FAM171A1: variants seen among roughly 807,000 people sequenced by gnomAD.
The protein encoded by FAM171A1 is protein FAM171A1.
Under a neutral mutation model 74.9 loss-of-function variants are expected in FAM171A1, and 23 were observed. The observed-to-expected ratio is 0.31, with a 90% confidence interval of 0.22 to 0.44. The LOEUF (loss-of-function observed/expected upper bound fraction) is 0.44, where lower values mean the gene tolerates loss of function less well. FAM171A1 is among the 20% of genes least tolerant of loss of function. The probability of loss-of-function intolerance (pLI) is 1.00; values close to 1 mark genes in which losing one functional copy is unlikely to be tolerated. For synonymous variants in FAM171A1, 527 were observed against 505.7 expected, an observed-to-expected ratio of 1.04 and a Z score of -0.57; for missense variants, 1,162 against 1,159.2, an observed-to-expected ratio of 1.00 and a Z score of -0.03.
chr10:15,232,867 A>G (rs765626363), intron 5 of FAM171A1, among the ~76,000 whole-genome samples: 1 of 152,248 alleles, frequency 6.6e-6, no homozygotes, highest in Non-Finnish European at 1.5e-5. Context: ...CTACTGAGCT[A>G]AAGTTCCTTT....
At chr10:15,242,704 T>C (rs1017740922) in intron 5 of FAM171A1, among the ~76,000 whole-genome samples, 1 of 152,114 alleles carries the variant, frequency 6.6e-6, no homozygotes, top group African/African-American at 2.4e-5. Flanking sequence ...GGTGGGAGGA[T>C]TGCTTGAGCT....
intron 5 of FAM171A1, among the ~76,000 whole-genome samples, chr10:15,225,664 A>G (rs1481734132): frequency 1.3e-5 from 2 of 152,116 alleles, no homozygotes; most frequent in African/African-American, 4.8e-5. Context: ...AGGCCTCTGC[A>G]AAGTCTCTTC....
intron 1 of FAM171A1, among the ~76,000 whole-genome samples, chr10:15,344,901 C>T (rs925154206): frequency 7.2e-5 from 11 of 152,156 alleles, no homozygotes; most frequent in South Asian, 2.1e-4. Flanking sequence ...GCAGAATATT[C>T]GTCTCACAGT....
chr10:15,329,177 C>G (rs1302198733), intron 1 of FAM171A1, among the ~76,000 whole-genome samples: 2 of 152,154 alleles, frequency 1.3e-5, no homozygotes, highest in Non-Finnish European at 2.9e-5. Flanking sequence ...AGTAGATATT[C>G]ATGTGTATGT....
chr10:15,342,450 C>G (rs1835775525), intron 1 of FAM171A1, among the ~76,000 whole-genome samples: 1 of 152,128 alleles, frequency 6.6e-6, no homozygotes, highest in African/African-American at 2.4e-5. Flanking sequence ...CTCCTGTAGT[C>G]TCAGCTACTT....
chr10:15,264,525 C>T (rs187937939), intron 3 of FAM171A1, among the ~76,000 whole-genome samples: 9 of 152,040 alleles, frequency 5.9e-5, no homozygotes, highest in Admixed American at 2.0e-4. Context: ...ACAAATACAT[C>T]GGGCATCTCA....
In FAM171A1 at chr10:15,254,822, T is replaced by A; in HGVS notation, c.476A>T (p.Asn159Ile). ...CGCGGTCAGGTCACTGTAGCTGGTGTTCTCAGGCAACCTCAGAGCCCTTCT... is the reference window on the plus strand; with the variant it reads ...CGCGGTCAGGTCACTGTAGCTGGTGATCTCAGGCAACCTCAGAGCCCTTCT... Reference protein sequence around the residue: ...FQRRALRLPENTSYSDLTAFL... With the variant: ...FQRRALRLPEITSYSDLTAFL... The change falls in exon 4 of 8, where the codon AAC becomes ATC. Residue 159 changes from asparagine (N) to isoleucine (I), a missense_variant. Transcript: ENST00000378116. 2 of 1,614,138 alleles carry A rather than the reference T, an allele frequency of 1.2e-6. No individual in the cohort carries two copies. Among genetic ancestry groups the A allele is most frequent in the Non-Finnish European group, 1.7e-6 (2 of 1,180,006 alleles).
chr10:15,332,595 G>C (rs2131861030), intron 1 of FAM171A1, among the ~76,000 whole-genome samples: 1 of 152,266 alleles, frequency 6.6e-6, no homozygotes, highest in Middle Eastern at 3.4e-3. Flanking sequence ...ATATGATAGA[G>C]TTTGCCAACC....
intron 6 of FAM171A1, among the ~76,000 whole-genome samples, chr10:15,217,366 C>T (rs1833979920): frequency 6.6e-6 from 1 of 152,114 alleles, no homozygotes; most frequent in South Asian, 2.1e-4. Context: ...TATTAAACAC[C>T]ACAGACACCC....
chr10:15,332,789 G>C (rs1052711774), intron 1 of FAM171A1, among the ~76,000 whole-genome samples: 1 of 152,098 alleles, frequency 6.6e-6, no homozygotes, highest in East Asian at 1.9e-4. Context: ...CTGAGAAATG[G>C]GTATTCTATG....
intron 1 of FAM171A1, among the ~76,000 whole-genome samples, chr10:15,329,491 C>G (rs899898795): frequency 6.6e-6 from 1 of 152,048 alleles, no homozygotes; most frequent in East Asian, 1.9e-4. Flanking sequence ...CCAGGCACAC[C>G]TGTGCACATC....
chr10:15,280,038 G>A (rs1162331769), intron 2 of FAM171A1, among the ~76,000 whole-genome samples: 2 of 152,222 alleles, frequency 1.3e-5, no homozygotes, highest in Non-Finnish European at 1.5e-5. Flanking sequence ...AGTGAGCTGA[G>A]ATTGCACCAC....
chr10:15,278,943 G>A (rs1036459891), intron 2 of FAM171A1, among the ~76,000 whole-genome samples: 1 of 152,218 alleles, frequency 6.6e-6, no homozygotes, highest in Non-Finnish European at 1.5e-5. Flanking sequence ...GGGCAGGATT[G>A]TCCTAGCAGA....
At chr10:15,372,745 CCA>C (rs1190035040), upstream of FAM171A1, among the ~76,000 whole-genome samples, 1 of 149,158 alleles carries the variant, frequency 6.7e-6, no homozygotes, top group Non-Finnish European at 1.5e-5. Flanking sequence ...ACCAAAAAAA[CCA>C]CACACAAAAC....
intron 1 of FAM171A1, among the ~76,000 whole-genome samples, chr10:15,311,376 T>C (rs939410734): frequency 6.6e-6 from 1 of 152,188 alleles, no homozygotes; most frequent in Non-Finnish European, 1.5e-5. Flanking sequence ...AAATTAAGCC[T>C]ATATTCCCTT....
intron 1 of FAM171A1, among the ~76,000 whole-genome samples, chr10:15,365,302 A>G (rs1836045951): frequency 6.6e-6 from 1 of 152,222 alleles, no homozygotes; most frequent in Admixed American, 6.5e-5. Context: ...AGAAGGAAGG[A>G]CAAAGAGTTT....
At chr10:15,323,798 G>A (rs1336573863) in intron 1 of FAM171A1, among the ~76,000 whole-genome samples, 1 of 151,886 alleles carries the variant, frequency 6.6e-6, no homozygotes, top group South Asian at 2.1e-4. Flanking sequence ...GAAGGAACAC[G>A]GTATTAGGAT....
intron 7 of FAM171A1, among the ~76,000 whole-genome samples, 154 bp from the exon 8 acceptor site, chr10:15,214,755 TGTC>T (rs1317757790): frequency 2.0e-5 from 3 of 146,824 alleles, no homozygotes; most frequent in East Asian, 2.1e-4. Flanking sequence ...CCCCACGCCC[TGTC>T]TTTTTTTTTT....
chr10:15,233,705 C>A (rs1834240774), intron 5 of FAM171A1, among the ~76,000 whole-genome samples: 1 of 152,042 alleles, frequency 6.6e-6, no homozygotes, highest in Non-Finnish European at 1.5e-5. Flanking sequence ...AGATGGAGAC[C>A]ATCGTGGCCA....
Sources: allele counts gnomAD v4.1 joint callset (sites outside exome capture counted in the v4.1 genomes callset), GRCh38; gene constraint gnomAD v4.1.1; transcripts MANE v1.5; gene names NCBI Gene and HGNC (gene_info 2026-07-23, HGNC 2026-07-21).